NCAM1: variants seen among roughly 807,000 people sequenced by gnomAD.
The protein encoded by NCAM1 is antigen recognized by monoclonal antibody 5.1H11.
A neutral mutation model predicts 109.8 loss-of-function variants in NCAM1; 14 were observed. That is an observed-to-expected ratio of 0.13 (90% CI 0.08 to 0.20). The LOEUF (loss-of-function observed/expected upper bound fraction) is 0.20. NCAM1 is among the 10% of genes least tolerant of loss of function. The pLI, the probability that NCAM1 is intolerant of heterozygous loss-of-function variation, is 1.00. For synonymous variants in NCAM1, 418 were observed against 442.9 expected (o/e 0.94, Z 0.70); for missense variants, 774 against 1,109.9 (o/e 0.70, Z 4.30).
intron 1 of NCAM1, among the ~76,000 whole-genome samples, chr11:112,968,756 G>C (rs1313253645): frequency 1.3e-5 from 2 of 152,184 alleles, no homozygotes; most frequent in African/African-American, 4.8e-5. Context: ...GGTTGGGGAG[G>C]TGAAGATGTA....
intron 1 of NCAM1, among the ~76,000 whole-genome samples, chr11:113,113,933 C>T (rs183071907): frequency 1.3e-5 from 2 of 152,322 alleles, no homozygotes; most frequent in African/African-American, 4.8e-5. Context: ...TTGCTGTCCT[C>T]TGCAGAGCCT....
At chr11:113,143,456 T>C (rs1941902035) in intron 1 of NCAM1, among the ~76,000 whole-genome samples, 1 of 152,224 alleles carries the variant, frequency 6.6e-6, no homozygotes, top group Admixed American at 6.5e-5. Context: ...CTCTAAAGTG[T>C]GTACATGAAC....
chr11:113,270,068 G>C, intron 17 of NCAM1, 120 bp from the exon 18 acceptor site: 1 of 924,326 alleles, frequency 1.1e-6, no homozygotes, highest in Non-Finnish European at 1.7e-6. Flanking sequence ...TGTCACTCTG[G>C]GCATGAATGC....
chr11:113,075,875 T>C (rs1372092460), intron 1 of NCAM1, among the ~76,000 whole-genome samples: 1 of 152,242 alleles, frequency 6.6e-6, no homozygotes, highest in Non-Finnish European at 1.5e-5. Context: ...GCTGTTTAAA[T>C]GCTTGTCATC....
At chr11:112,999,139 T>C (rs1555071997) in intron 1 of NCAM1, among the ~76,000 whole-genome samples, 1 of 152,200 alleles carries the variant, frequency 6.6e-6, no homozygotes, top group East Asian at 1.9e-4. Context: ...GAATTTAAAA[T>C]AGTGTGATGA....
chr11:113,043,477 C>CA (rs1953150097), intron 1 of NCAM1, among the ~76,000 whole-genome samples: 1 of 152,158 alleles, frequency 6.6e-6, no homozygotes, highest in African/African-American at 2.4e-5. Flanking sequence ...GCTGGATTTA[C>CA]AGGCATGTGC....
intron 1 of NCAM1, among the ~76,000 whole-genome samples, chr11:113,023,322 A>C (rs1952446658): frequency 6.6e-6 from 1 of 152,242 alleles, no homozygotes; most frequent in African/African-American, 2.4e-5. Flanking sequence ...AGTCTTATGC[A>C]AGCCAAAAGG....
intron 1 of NCAM1, among the ~76,000 whole-genome samples, chr11:113,097,962 C>T (rs1010984089): frequency 3.7e-4 from 57 of 152,104 alleles, no homozygotes; most frequent in African/African-American, 1.2e-3. Flanking sequence ...TGCTACCAAG[C>T]GCCAAGGCCT....
chr11:113,203,469 C>T (rs1411257113), intron 2 of NCAM1, among the ~76,000 whole-genome samples: 10 of 152,360 alleles, frequency 6.6e-5, no homozygotes, highest in Admixed American at 2.6e-4. Context: ...GGGCGCCACG[C>T]GAAGAGGCAG....
chr11:113,191,717 A>G (rs1441775696), intron 1 of NCAM1, among the ~76,000 whole-genome samples: 1 of 152,002 alleles, frequency 6.6e-6, no homozygotes, highest in Non-Finnish European at 1.5e-5. Context: ...ATAGATACAC[A>G]TGTACATACA....
At chr11:112,990,455 G>A (rs1385803552) in intron 1 of NCAM1, among the ~76,000 whole-genome samples, 1 of 152,108 alleles carries the variant, frequency 6.6e-6, no homozygotes, top group Non-Finnish European at 1.5e-5. Flanking sequence ...CCGTTGAGAG[G>A]GACTGTAGCC....
rs1374777243 is a variant in NCAM1 at position 113,235,017 on chromosome 11, T to C, written c.1694-16T>C. 1.9e-6 allele frequency: 3 copies of C among 1,542,252 alleles called. No homozygotes were observed. The African/African-American group carries it at 4.1e-5, about 21-fold the overall frequency. ...TAACAATAGACTCTTTTGTCATCCT[T>C]CCCATATTATAACAGCCAGCATGGA... On this transcript the variant is annotated splice_polypyrimidine_tract_variant and intron_variant, in intron 13 of 19. Transcript: ENST00000316851.
chr11:113,208,484 G>A (rs1022935574), intron 7 of NCAM1, among the ~76,000 whole-genome samples: 2 of 151,850 alleles, frequency 1.3e-5, no homozygotes, highest in Admixed American at 6.6e-5. Context: ...CTTCATCTCA[G>A]GATCACTGCC....
intron 1 of NCAM1, among the ~76,000 whole-genome samples, chr11:113,044,164 T>G (rs1953181090): frequency 6.6e-6 from 1 of 152,220 alleles, no homozygotes; most frequent in Non-Finnish European, 1.5e-5. Flanking sequence ...CCTGTTCACC[T>G]GTTCTTTCTC....
chr11:112,999,750 GT>G (rs1456054021), intron 1 of NCAM1, among the ~76,000 whole-genome samples: 1 of 152,172 alleles, frequency 6.6e-6, no homozygotes, highest in Non-Finnish European at 1.5e-5. Context: ...CCCTGAGACA[GT>G]GTGCCTGTTA....
At chr11:112,980,371 A>G (rs1951121232) in intron 1 of NCAM1, among the ~76,000 whole-genome samples, 2 of 151,832 alleles carry the variant, frequency 1.3e-5, no homozygotes, top group South Asian at 2.1e-4. Flanking sequence ...AAACATGTAC[A>G]CTAATGTTCA....
In NCAM1 at chr11:112,992,619, GC is replaced by G. The variant is rs1214823778; in HGVS notation, c.52+30957del. Among the ~76,000 whole-genome samples, 8 of 150,840 alleles carry G rather than the reference GC, an allele frequency of 5.3e-5. No homozygotes were observed. In the East Asian group the frequency reaches 1.6e-3, roughly 30 times the overall value. ...GGGTTCGCACCATTCTCCTGCCTCA[GC>G]CTCCCAAGTAGTTGGGACTACAGGC... On this transcript the variant is annotated intron_variant, in intron 1 of 19. Transcript: ENST00000316851.
At chr11:112,982,382 G>T (rs1435384092) in intron 1 of NCAM1, among the ~76,000 whole-genome samples, 1 of 151,948 alleles carries the variant, frequency 6.6e-6, no homozygotes, top group Non-Finnish European at 1.5e-5. Flanking sequence ...AAGAACTGGG[G>T]ATGGCCTTGC....
At chr11:113,201,917 C>A (rs928469619) in intron 1 of NCAM1, among the ~76,000 whole-genome samples, 1 of 152,222 alleles carries the variant, frequency 6.6e-6, no homozygotes, top group Non-Finnish European at 1.5e-5. Context: ...GACCCCTGAG[C>A]TTGATTCTGG....
Sources: allele counts gnomAD v4.1 joint callset (sites outside exome capture counted in the v4.1 genomes callset), GRCh38; gene constraint gnomAD v4.1.1; transcripts MANE v1.5; gene names NCBI Gene and HGNC (gene_info 2026-07-23, HGNC 2026-07-21).